The following PTPRD variants were observed in gnomAD, a reference collection of about 807,000 sequenced individuals.
The protein encoded by PTPRD is receptor-type tyrosine-protein phosphatase delta.
In PTPRD, 34 loss-of-function variants were observed where a neutral mutation model predicts 214.5. The observed-to-expected ratio is 0.16, with a 90% CI of 0.12 to 0.21. PTPRD has a LOEUF of 0.21. Ranked by LOEUF, PTPRD falls within the 10% of genes least tolerant of loss-of-function variation. The pLI, the probability that PTPRD is intolerant of heterozygous loss-of-function variation, is 1.00. For missense variants in PTPRD, 2,545 were observed against 2,398.7 expected (o/e 1.06, Z -1.27); for synonymous variants, 1,128 against 845.7 (o/e 1.33, Z -5.79).
chr9:9,704,080 C>T (rs2097551126), intron 7 of PTPRD, among the ~76,000 whole-genome samples: 2 of 54,710 alleles, frequency 3.7e-5, no homozygotes, highest in Admixed American at 4.9e-4. Context: ...AATGAAATTT[C>T]TGTAAGACCC....
chr9:10,192,162 T>C (rs1294183545), intron 3 of PTPRD, among the ~76,000 whole-genome samples: 1 of 152,092 alleles, frequency 6.6e-6, no homozygotes, highest in African/African-American at 2.4e-5. Context: ...GACCCTTAGG[T>C]TGAATGAGCT....
intron 2 of PTPRD, among the ~76,000 whole-genome samples, chr9:10,586,570 G>A (rs558609669): frequency 1.3e-5 from 2 of 152,194 alleles, no homozygotes; most frequent in Non-Finnish European, 2.9e-5. Flanking sequence ...GACAACGATA[G>A]TAAGAATCTA....
In PTPRD at chr9:8,436,658, C is replaced by G. The variant is rs773244173; in HGVS notation, c.4020G>C (p.Leu1340Phe). 2.5e-6 allele frequency: 4 copies of G among 1,613,184 alleles called. No homozygotes were observed. The highest frequency in any genetic ancestry group is 1.7e-5 in the Admixed American group (1 of 60,000). Residue 1340 changes from leucine to phenylalanine, a missense_variant, in exon 35 of 46, where the codon TTG becomes TTC. Coordinates refer to ENST00000381196, the MANE Select transcript of PTPRD (RefSeq NM_002839.4). Reference sequence around the variant, plus strand: ...ATCTTTCAATGTGGTCTGCAAGTTCCAAGATGGGTATTGGAGGATGGCTAG... The same window carrying G: ...ATCTTTCAATGTGGTCTGCAAGTTCGAAGATGGGTATTGGAGGATGGCTAG... Reference protein sequence around the residue: ...GMASHPPIPILELADHIERLK... With the variant: ...GMASHPPIPIFELADHIERLK...
intron 2 of PTPRD, among the ~76,000 whole-genome samples, chr9:10,449,313 T>A (rs180917932): frequency 8.5e-5 from 13 of 152,056 alleles, no homozygotes; most frequent in Admixed American, 2.0e-4. Flanking sequence ...GGCGCCGGGA[T>A]TGCAGACGGA....
At chr9:9,252,623 A>T (rs775105056) in intron 9 of PTPRD, among the ~76,000 whole-genome samples, 1 of 152,042 alleles carries the variant, frequency 6.6e-6, no homozygotes, top group Non-Finnish European at 1.5e-5. Context: ...CTAGGACTGC[A>T]GGTGCATACC....
At chr9:9,988,853 T>A (rs560766903) in intron 4 of PTPRD, among the ~76,000 whole-genome samples, 1 of 151,790 alleles carries the variant, frequency 6.6e-6, no homozygotes, top group African/African-American at 2.4e-5. Context: ...TATCTTTTAA[T>A]CTACTTCCAT....
At chr9:10,559,430 T>C (rs2063350151) in intron 2 of PTPRD, among the ~76,000 whole-genome samples, 1 of 152,170 alleles carries the variant, frequency 6.6e-6, no homozygotes, top group Non-Finnish European at 1.5e-5. Flanking sequence ...ACAGTTCTAT[T>C]TAAGTTACAT....
intron 3 of PTPRD, among the ~76,000 whole-genome samples, chr9:10,055,869 G>GTA (rs71321221): frequency 2.6e-4 from 39 of 149,440 alleles, no homozygotes; most frequent in Non-Finnish European, 4.6e-4. Flanking sequence ...TTATGTGTGT[G>GTA]TATATATATA....
chr9:9,403,810 T>G (rs888311471), intron 8 of PTPRD, among the ~76,000 whole-genome samples: 5 of 152,106 alleles, frequency 3.3e-5, no homozygotes, highest in African/African-American at 1.2e-4. Context: ...CTACTTACAT[T>G]ATTGTGGCAT....
intron 11 of PTPRD, among the ~76,000 whole-genome samples, chr9:8,854,140 A>G (rs2097868696): frequency 6.6e-6 from 1 of 152,120 alleles, no homozygotes; most frequent in Non-Finnish European, 1.5e-5. Flanking sequence ...TATTTTCGAG[A>G]TTCCTAGAAA....
intron 10 of PTPRD, among the ~76,000 whole-genome samples, chr9:9,133,790 G>C (rs2099846481): frequency 6.6e-6 from 1 of 152,150 alleles, no homozygotes; most frequent in Admixed American, 6.5e-5. Context: ...TTAGGGAACA[G>C]GGGCTGAGCT....
chr9:8,421,717 T>G (rs1169697541), intron 35 of PTPRD, among the ~76,000 whole-genome samples: 2 of 151,978 alleles, frequency 1.3e-5, no homozygotes, highest in Admixed American at 1.3e-4. Flanking sequence ...CATCAAATGT[T>G]TAAAAGCAAT....
chr9:10,598,761 T>C (rs559057603), intron 2 of PTPRD, among the ~76,000 whole-genome samples: 150 of 148,486 alleles, frequency 1.0e-3, no homozygotes, highest in Non-Finnish European at 1.8e-3. Context: ...GGTAAATAGG[T>C]AGAAAATCCA....
intron 2 of PTPRD, among the ~76,000 whole-genome samples, chr9:10,498,676 G>C (rs990755971): frequency 6.6e-6 from 1 of 151,800 alleles, no homozygotes; most frequent in Non-Finnish European, 1.5e-5. Context: ...AATTGGTGTT[G>C]TATATTATAA....
intron 2 of PTPRD, among the ~76,000 whole-genome samples, chr9:10,402,125 A>G (rs1181753820): frequency 6.6e-6 from 1 of 151,658 alleles, no homozygotes; most frequent in African/African-American, 2.4e-5. Context: ...TGGTGTTCCT[A>G]TGTAATTAAA....
chr9:10,128,453 G>A (rs371025244), intron 3 of PTPRD, among the ~76,000 whole-genome samples: 2 of 152,196 alleles, frequency 1.3e-5, no homozygotes, highest in Non-Finnish European at 1.5e-5. Context: ...GAACACCAAC[G>A]ACTGACAGCA....
intron 4 of PTPRD, among the ~76,000 whole-genome samples, chr9:10,023,479 C>A (rs1189379961): frequency 6.6e-6 from 1 of 152,138 alleles, no homozygotes; most frequent in Non-Finnish European, 1.5e-5. Flanking sequence ...AGTTCTACAT[C>A]TTTTCTGTAT....
chr9:9,569,552 CT>C (rs578154996), intron 8 of PTPRD, among the ~76,000 whole-genome samples: 14 of 150,632 alleles, frequency 9.3e-5, no homozygotes, highest in East Asian at 1.9e-4. Context: ...TTCTAAAGCT[CT>C]TTTTTTTTCC....
chr9:10,362,474 AG>A (rs1247484472), intron 2 of PTPRD, among the ~76,000 whole-genome samples: 2 of 152,116 alleles, frequency 1.3e-5, no homozygotes, highest in Admixed American at 1.3e-4. Flanking sequence ...AATATGTAGA[AG>A]GTTTTCTAAA....
Sources: allele counts gnomAD v4.1 joint callset (sites outside exome capture counted in the v4.1 genomes callset), GRCh38; gene constraint gnomAD v4.1.1; transcripts MANE v1.5; gene names NCBI Gene and HGNC (gene_info 2026-07-23, HGNC 2026-07-21).